Variants in ABI3BP observed in about 807,000 individuals in gnomAD.
ABI3BP encodes the protein ABI family member 3 binding protein.
Under a neutral mutation model 268.6 loss-of-function variants are expected in ABI3BP, and 216 were observed. The ratio of observed to expected loss-of-function variants is 0.80; its 90% CI spans 0.72 to 0.90. ABI3BP has a LOEUF of 0.90. ABI3BP is among the 40% of genes least tolerant of loss of function. The probability of loss-of-function intolerance (pLI) is 0.00; values close to 1 mark genes in which losing one functional copy is unlikely to be tolerated. For synonymous variants in ABI3BP, 730 were observed against 730.0 expected (o/e 1.00, Z 0.00); for missense variants, 2,090 against 2,182.4 (o/e 0.96, Z 0.84).
At chr3:100,788,828 A>G (rs1223036523) in intron 56 of ABI3BP, among the ~76,000 whole-genome samples, 2 of 150,516 alleles carry the variant, frequency 1.3e-5, no homozygotes, top group Admixed American at 6.6e-5. Context: ...AATCACAAAG[A>G]AAAAGAAAAT....
At chr3:100,984,221 A>G (rs2090827823) in intron 1 of ABI3BP, among the ~76,000 whole-genome samples, 1 of 152,148 alleles carries the variant, frequency 6.6e-6, no homozygotes, top group Admixed American at 6.6e-5. Flanking sequence ...GATATTTTTG[A>G]AAACTTTACT....
chr3:100,862,168 T>C, intron 14 of ABI3BP, 143 bp downstream of exon 14: 1 of 629,308 alleles, frequency 1.6e-6, no homozygotes, highest in Non-Finnish European at 2.7e-6. Context: ...GAAAATGAGG[T>C]TCATCTCAGT....
chr3:100,904,547 C>T (rs1327561007), intron 2 of ABI3BP, among the ~76,000 whole-genome samples: 2 of 152,080 alleles, frequency 1.3e-5, no homozygotes, highest in Non-Finnish European at 1.5e-5. Flanking sequence ...TCACATTTAC[C>T]ATTCAATAAA....
rs549050061 is a variant in ABI3BP, at chr3:100,883,258, TA to T, written c.696+2277del. 6.6e-5 allele frequency among the ~76,000 whole-genome samples: 10 copies of T among 152,228 alleles called. No homozygotes were observed. In the South Asian group the frequency reaches 1.7e-3, roughly 25 times the overall value. On this transcript the variant is annotated intron_variant, in intron 6 of 67. Transcript: ENST00000471714. ...GCTCTCTGGAGAGGGAGGGCCTTTC[TA>T]AAATATAATGCAATTGAGATATCAC...
rs1416774205 is a variant in ABI3BP, at chr3:100,850,130, A to G, written c.1427-11T>C. On this transcript the variant is annotated splice_polypyrimidine_tract_variant and intron_variant, in intron 16 of 67. Transcript: ENST00000471714. ...GTGTTTCACTTGGAGCTGAAAGCAC[A>G]AACACCCCAACCCATCAAATAATCC... The G allele has an allele frequency of 1.2e-6, 2 of 1,601,292 alleles. No individual in the cohort carries two copies. The highest frequency in any genetic ancestry group is 3.4e-5 in the Admixed American group (2 of 58,186).
At chr3:100,774,476 A>G (rs2096644628) in intron 61 of ABI3BP, 129 bp downstream of exon 61, 1 of 675,058 alleles carries the variant, frequency 1.5e-6, no homozygotes, top group Non-Finnish European at 2.4e-6. Context: ...GCAGACACCC[A>G]TGAAAAATAA....
chr3:100,752,988 T>C, intron 65 of ABI3BP, 40 bp from the exon 66 acceptor site: 1 of 1,547,630 alleles, frequency 6.5e-7, no homozygotes, highest in Non-Finnish European at 8.8e-7. Flanking sequence ...ATCTGACTCT[T>C]GGGTCAGATA....
chr3:100,973,376 G>T (rs1380893323), intron 1 of ABI3BP, among the ~76,000 whole-genome samples: 1 of 152,118 alleles, frequency 6.6e-6, no homozygotes, highest in Non-Finnish European at 1.5e-5. Flanking sequence ...TGGCTAATTT[G>T]GTGTTTCCAG....
Position 100,837,510 on chromosome 3 carries a change from T to C in ABI3BP, c.2084-339A>G, listed in dbSNP as rs538874448. 3.9e-5 allele frequency among the ~76,000 whole-genome samples: 6 copies of C among 152,284 alleles called. No individual in the cohort carries two copies. In the East Asian group the frequency reaches 9.7e-4, roughly 25 times the overall value. ...GGCTCATGCCTATAATCCCAGCACT[T>C]TGGGAGGCCAAGGCAGGTGGATCAC... On this transcript the variant is annotated intron_variant, in intron 26 of 67. Coordinates refer to ENST00000471714, the MANE Select transcript of ABI3BP (RefSeq NM_001375547.2).
At chr3:100,841,905 A>AG in intron 21 of ABI3BP, 93 bp downstream of exon 21, 1 of 1,120,210 alleles carries the variant, frequency 8.9e-7, no homozygotes. Context: ...GGAGAAGAAA[A>AG]AAAAAAAAAA....
chr3:100,778,643 T>A (rs2096780482), intron 58 of ABI3BP: 2 of 351,610 alleles, frequency 5.7e-6, no homozygotes, highest in Non-Finnish European at 1.0e-5. Context: ...GCCCTTCATA[T>A]CTGTGGGTTC....
In ABI3BP at chr3:100,812,490, GTAC is replaced by G; in HGVS notation, c.3395_3397del (p.Ser1132del). 7 of 1,331,642 alleles carry G rather than the reference GTAC, an allele frequency of 5.3e-6. No homozygotes were observed. The highest frequency in any genetic ancestry group is 6.7e-6 in the Non-Finnish European group (7 of 1,042,152). 82.5% of individuals were successfully genotyped at this position (1,331,642 alleles called of 1,614,324 possible). On this transcript the variant is annotated inframe_deletion, in exon 46 of 68. Coordinates refer to ENST00000471714, the MANE Select transcript of ABI3BP (RefSeq NM_001375547.2). The stretch of plus-strand genomic sequence containing the variant: ...ACCTATGGTCTCCTTTGGTGACTCA[GTAC>G]TAAGTGTAACCGATTCCAGAACATC...
At chr3:100,804,597 C>T (rs142655828) in intron 51 of ABI3BP, among the ~76,000 whole-genome samples, 195 bp downstream of exon 51, 115 of 152,244 alleles carry the variant, frequency 7.6e-4, no homozygotes, top group African/African-American at 2.5e-3. Context: ...TGCCTTTTGA[C>T]TGTGATCACA....
intron 14 of ABI3BP, among the ~76,000 whole-genome samples, chr3:100,860,679 T>C (rs1052951000): frequency 1.3e-5 from 2 of 152,194 alleles, no homozygotes; most frequent in Non-Finnish European, 1.5e-5. Context: ...GTCTCGAAAA[T>C]GGTTTCCTTG....
intron 57 of ABI3BP, among the ~76,000 whole-genome samples, chr3:100,787,457 C>G (rs917938068): frequency 1.3e-5 from 2 of 152,010 alleles, no homozygotes; most frequent in Non-Finnish European, 2.9e-5. Context: ...TGTTTTCACT[C>G]AATTTATTCT....
At chr3:100,954,209 T>G (rs2076079988) in intron 1 of ABI3BP, among the ~76,000 whole-genome samples, 1 of 152,230 alleles carries the variant, frequency 6.6e-6, no homozygotes, top group Non-Finnish European at 1.5e-5. Context: ...TATGAAAGAC[T>G]TATTGCTATT....
intron 1 of ABI3BP, among the ~76,000 whole-genome samples, chr3:100,947,287 C>T (rs988189040): frequency 6.6e-6 from 1 of 152,040 alleles, no homozygotes; most frequent in African/African-American, 2.4e-5. Context: ...GCCTACTAGG[C>T]TGACATTATT....
intron 39 of ABI3BP, among the ~76,000 whole-genome samples, 164 bp from the exon 40 acceptor site, chr3:100,820,467 G>A (rs2098186207): frequency 8.0e-6 from 1 of 124,232 alleles, no homozygotes; most frequent in African/African-American, 2.5e-5. Flanking sequence ...TACAATTGAA[G>A]AAAGTTGATT....
chr3:100,784,041 C>T (rs969744289), intron 57 of ABI3BP, among the ~76,000 whole-genome samples: 12 of 151,814 alleles, frequency 7.9e-5, no homozygotes, highest in Admixed American at 7.9e-4. Flanking sequence ...ACTTTCTAAC[C>T]TTGGGGTACA....
Sources: allele counts gnomAD v4.1 joint callset (sites outside exome capture counted in the v4.1 genomes callset), GRCh38; gene constraint gnomAD v4.1.1; transcripts MANE v1.5; gene names NCBI Gene and HGNC (gene_info 2026-07-23, HGNC 2026-07-21).